UBASH3B: variants seen among roughly 807,000 people sequenced by gnomAD.
UBASH3B encodes the protein ubiquitin-associated and SH3 domain-containing protein B.
A neutral mutation model predicts 83.4 loss-of-function variants in UBASH3B; 37 were observed. That is an observed-to-expected ratio of 0.44 (90% CI 0.34 to 0.58). The LOEUF (loss-of-function observed/expected upper bound fraction) is 0.58. Among genes scored for constraint, UBASH3B ranks in the 20% least tolerant of loss-of-function variants. UBASH3B has a pLI of 0.01. For synonymous variants in UBASH3B, 304 were observed against 318.3 expected, an observed-to-expected ratio of 0.96 and a Z score of 0.48; for missense variants, 657 against 827.2, an observed-to-expected ratio of 0.79 and a Z score of 2.52.
At chr11:122,676,931 G>T (rs1355521905) in intron 1 of UBASH3B, among the ~76,000 whole-genome samples, 1 of 152,026 alleles carries the variant, frequency 6.6e-6, no homozygotes, top group Non-Finnish European at 1.5e-5. Context: ...AACACCTCTG[G>T]GTCTTGCTTA....
intron 7 of UBASH3B, among the ~76,000 whole-genome samples, chr11:122,795,914 A>T (rs1056264416): frequency 6.6e-6 from 1 of 152,270 alleles, no homozygotes; most frequent in Non-Finnish European, 1.5e-5. Flanking sequence ...ACTCCTACAA[A>T]GAGCAGCCGT....
chr11:122,793,723 A>G (rs1329627660), intron 6 of UBASH3B, among the ~76,000 whole-genome samples: 1 of 152,220 alleles, frequency 6.6e-6, no homozygotes, highest in Non-Finnish European at 1.5e-5. Context: ...GACCTCTTTT[A>G]GGCTTCTGTA....
chr11:122,794,557 T>A, intron 6 of UBASH3B, 145 bp from the exon 7 acceptor site: 1 of 1,005,900 alleles, frequency 9.9e-7, no homozygotes, highest in Admixed American at 2.3e-5. Flanking sequence ...CCCTTAGGAA[T>A]GAGGCCACTC....
At position 122,811,959 on chromosome 11, in the gene UBASH3B, C is replaced by G. The variant is rs1173680966; in HGVS notation, c.*2073C>G. 6.6e-6 allele frequency: 1 copy of G among 152,168 alleles called. No individual in the cohort carries two copies. The highest frequency in any genetic ancestry group is 1.5e-5 in the Non-Finnish European group (1 of 68,024). 9.4% of individuals were successfully genotyped at this position (152,168 alleles called of 1,614,324 possible). On this transcript the variant is annotated 3_prime_UTR_variant, in exon 14 of 14. Coordinates refer to ENST00000284273, the MANE Select transcript of UBASH3B (RefSeq NM_032873.5). ...TGGGCGTTGAGTGCTCAGAATAATG[C>G]TTGAACACCTCACCTTGAAACTGTA... is the stretch of plus-strand genomic sequence containing the variant.
intron 1 of UBASH3B, among the ~76,000 whole-genome samples, chr11:122,754,629 C>T (rs1304978060): frequency 1.3e-5 from 2 of 152,182 alleles, no homozygotes; most frequent in Non-Finnish European, 2.9e-5. Context: ...ACTGAGGATT[C>T]TCCATGAACC....
chr11:122,811,620 T>G lies in UBASH3B; in HGVS notation c.*1734T>G, dbSNP rs1861449962. ...GATTACAGGTGTGAGCCACCACACC[T>G]GGCCCATAGTTGTATTTTTTTTAGG... On this transcript the variant is annotated 3_prime_UTR_variant, in exon 14 of 14. Coordinates refer to ENST00000284273, the MANE Select transcript of UBASH3B (RefSeq NM_032873.5). 1 of 152,110 alleles carries G rather than the reference T, an allele frequency of 6.6e-6. No individual in the cohort carries two copies. The highest frequency in any genetic ancestry group is 6.6e-5 in the Admixed American group (1 of 15,262). 9.4% of individuals were successfully genotyped at this position (152,110 alleles called of 1,614,324 possible).
intron 1 of UBASH3B, among the ~76,000 whole-genome samples, chr11:122,763,273 C>T (rs1450853359): frequency 6.6e-6 from 1 of 152,194 alleles, no homozygotes; most frequent in African/African-American, 2.4e-5. Flanking sequence ...CAAACTGCTG[C>T]CTCCCTACAG....
chr11:122,731,564 G>A (rs1420754463), intron 1 of UBASH3B, among the ~76,000 whole-genome samples: 2 of 152,236 alleles, frequency 1.3e-5, no homozygotes, highest in Non-Finnish European at 2.9e-5. Flanking sequence ...GGCGGAGAGT[G>A]CAAACAGTGT....
At chr11:122,661,148 C>T (rs754610834) in intron 1 of UBASH3B, among the ~76,000 whole-genome samples, 2 of 152,114 alleles carry the variant, frequency 1.3e-5, no homozygotes, top group East Asian at 1.9e-4. Context: ...CGAGGATTTA[C>T]GTGTATTATT....
At chr11:122,753,468 A>C (rs1240291105) in intron 1 of UBASH3B, among the ~76,000 whole-genome samples, 2 of 148,758 alleles carry the variant, frequency 1.3e-5, no homozygotes, top group African/African-American at 5.0e-5. Context: ...GAAAAGAAAA[A>C]TCCCTGAGTT....
intron 1 of UBASH3B, among the ~76,000 whole-genome samples, chr11:122,764,731 G>A (rs1860504372): frequency 6.6e-6 from 1 of 152,210 alleles, no homozygotes; most frequent in Non-Finnish European, 1.5e-5. Flanking sequence ...TGTAGTACGT[G>A]AATTCAGGGA....
intron 1 of UBASH3B, among the ~76,000 whole-genome samples, chr11:122,716,277 G>A (rs1182710438): frequency 6.6e-6 from 1 of 152,212 alleles, no homozygotes; most frequent in Non-Finnish European, 1.5e-5. Flanking sequence ...AGCTCATGTG[G>A]TCCTTCTGCC....
chr11:122,782,072 C>T (rs1226631141), intron 4 of UBASH3B, among the ~76,000 whole-genome samples: 1 of 152,010 alleles, frequency 6.6e-6, no homozygotes, highest in Non-Finnish European at 1.5e-5. Context: ...AGATGATTCT[C>T]CCTCATTGTA....
chr11:122,720,336 C>T (rs1449272893), intron 1 of UBASH3B, among the ~76,000 whole-genome samples: 5 of 152,194 alleles, frequency 3.3e-5, no homozygotes, highest in Admixed American at 6.5e-5. Flanking sequence ...CTGTCAGCTT[C>T]GCCGCTTCCA....
chr11:122,721,816 C>T (rs1476359417), intron 1 of UBASH3B, among the ~76,000 whole-genome samples: 1 of 152,138 alleles, frequency 6.6e-6, no homozygotes, highest in African/African-American at 2.4e-5. Context: ...TTGGCAAATC[C>T]GTTAATGCAT....
intron 1 of UBASH3B, among the ~76,000 whole-genome samples, chr11:122,666,525 T>C (rs1274562755): frequency 6.6e-6 from 1 of 152,154 alleles, no homozygotes; most frequent in East Asian, 1.9e-4. Context: ...TTCAAACAAT[T>C]CTCCTGCCTC....
Position 122,656,116 on chromosome 11 carries a change from AC to A in UBASH3B, c.73del (p.Arg25GlyfsTer76), listed in dbSNP as rs776918107. On this transcript the variant is annotated frameshift_variant, in exon 1 of 14. Transcript: ENST00000284273. LOFTEE classifies it high-confidence loss of function. ...AAREELYSKV[T>X]PRRNRQQRPG... ...GAGAGAGGAGCTGTACAGCAAAGTC[AC>A]CCCCCGGAGGAACCGCCAACAGCGC... is the stretch of plus-strand genomic sequence containing the variant. 3 of 1,596,096 alleles carry A rather than the reference AC, an allele frequency of 1.9e-6. No individual in the cohort carries two copies. Among genetic ancestry groups the A allele is most frequent in the African/African-American group, 1.4e-5 (1 of 73,842 alleles).
At chr11:122,801,750 T>C (rs905571555) in intron 11 of UBASH3B, among the ~76,000 whole-genome samples, 1 of 152,240 alleles carries the variant, frequency 6.6e-6, no homozygotes, top group Admixed American at 6.5e-5. Flanking sequence ...TTGTTTATTA[T>C]TGCTATATCC....
Position 122,814,243 on chromosome 11 carries a change from G to A in UBASH3B, c.*4357G>A, listed in dbSNP as rs768157715. 5.3e-5 allele frequency: 8 copies of A among 151,320 alleles called. No individual in the cohort carries two copies. The highest frequency in any genetic ancestry group is 1.3e-4 in the Admixed American group (2 of 15,124). 9.4% of individuals were successfully genotyped at this position (151,320 alleles called of 1,614,324 possible). A position where few individuals can be genotyped will look rare whatever the true frequency, so the allele number is the denominator to read the frequency against. ...TTATAAGGCTATTGTATTTTTTTTT[G>A]TATGTGATTCAGGTGTATTTATTTG... On this transcript the variant is annotated 3_prime_UTR_variant, in exon 14 of 14. Coordinates refer to ENST00000284273, the MANE Select transcript of UBASH3B (RefSeq NM_032873.5).
Sources: allele counts gnomAD v4.1 joint callset (sites outside exome capture counted in the v4.1 genomes callset), GRCh38; gene constraint gnomAD v4.1.1; transcripts MANE v1.5; gene names NCBI Gene and HGNC (gene_info 2026-07-23, HGNC 2026-07-21).